Variants in ZNF384 observed in about 807,000 individuals in gnomAD.
ZNF384 encodes the protein zinc finger protein 384.
ZNF384 carries 20 observed loss-of-function variants against 65.0 expected under a neutral mutation model. That is an observed-to-expected ratio of 0.31 (90% CI 0.22 to 0.45). The LOEUF is 0.45. Among genes scored for constraint, ZNF384 ranks in the 20% least tolerant of loss-of-function variants. The probability of loss-of-function intolerance (pLI) is 1.00; values close to 1 mark genes in which losing one functional copy is unlikely to be tolerated. For synonymous variants in ZNF384, 310 were observed against 303.9 expected (o/e 1.02, Z -0.21); for missense variants, 549 against 769.4 (o/e 0.71, Z 3.39).
chr12:6,677,113 A>G, intron 7 of ZNF384, 54 bp downstream of exon 7: 1 of 477,276 alleles, frequency 2.1e-6, no homozygotes, highest in Non-Finnish European at 3.9e-6. Flanking sequence ...AAACAGAATT[A>G]TCCCCATTTT....
chr12:6,677,988 A>C, intron 6 of ZNF384, 139 bp downstream of exon 6: 1 of 750,396 alleles, frequency 1.3e-6, no homozygotes, highest in South Asian at 1.7e-5. Context: ...CTATGATGGG[A>C]CACCTGACAT....
At chr12:6,682,352 AAAC>A (rs1330435469) in intron 2 of ZNF384, among the ~76,000 whole-genome samples, 1 of 145,898 alleles carries the variant, frequency 6.9e-6, no homozygotes, top group African/African-American at 2.8e-5. Context: ...AAACAAAACA[AAAC>A]AAAACAAAAC....
At chr12:6,669,855 G>C (rs139649770) in intron 10 of ZNF384, among the ~76,000 whole-genome samples, 1,535 of 152,178 alleles carry the variant, frequency 0.01, 25 homozygotes, top group African/African-American at 0.036. Context: ...TTGAACCTGG[G>C]AAGTTGCAGT....
rs1460544351 is a variant in ZNF384 at position 6,678,268 on chromosome 12, C to G, written c.545G>C (p.Gly182Ala). 6.2e-7 allele frequency: 1 copy of G among 1,614,038 alleles called. No homozygotes were observed. The highest frequency in any genetic ancestry group is 8.5e-7 in the Non-Finnish European group (1 of 1,180,040). ...TGGCTTAGGAGCCACACTGCCACCT[C>G]CACCACCACCTCCGCCTCCTTCCTC... Reference protein sequence around the residue: ...LTEEGGGGGGGGGSVAPKPPR... With the variant: ...LTEEGGGGGGAGGSVAPKPPR... Residue 182 changes from glycine (G) to alanine (A), a missense_variant, in exon 6 of 12, where the codon GGA (glycine) becomes GCA (alanine). This residue lies in a region of ZNF384 where 277 missense variants were observed against 337.2 expected (regional missense o/e 0.82). Coordinates refer to ENST00000683879, the MANE Select transcript of ZNF384 (RefSeq NM_001385745.1). The surrounding 1 kb of genome is among the most constrained non-coding windows in gnomAD (Gnocchi z 4.9).
At position 6,667,449 on chromosome 12, in the gene ZNF384, C is replaced by T. The variant is rs917491654; in HGVS notation, c.*265G>A. The T allele has an allele frequency of 1.8e-4, 102 of 580,196 alleles. No individual in the cohort carries two copies. The highest frequency in any genetic ancestry group is 1.7e-3 in the African/African-American group (92 of 53,764). 35.9% of individuals were successfully genotyped at this position (580,196 alleles called of 1,614,324 possible). On this transcript the variant is annotated 3_prime_UTR_variant, in exon 12 of 12. Coordinates refer to ENST00000683879, the MANE Select transcript of ZNF384 (RefSeq NM_001385745.1). ...AAATCCTTCCCTTGAGCACCGACCC[C>T]CAGTTTTAGAAGCTTTGCTTGGGAG...
chr12:6,687,375 A>G (rs556802967), intron 2 of ZNF384, among the ~76,000 whole-genome samples: 2 of 152,308 alleles, frequency 1.3e-5, no homozygotes, highest in South Asian at 2.1e-4. Flanking sequence ...CTGTTCCACT[A>G]TAAATGATGG....
chr12:6,672,956 G>A lies in ZNF384; in HGVS notation c.1004+260C>T. 1 of 516,710 alleles carries A rather than the reference G, an allele frequency of 1.9e-6. No individual in the cohort carries two copies. 32.0% of individuals were successfully genotyped at this position (516,710 alleles called of 1,614,324 possible). A position where few individuals can be genotyped will look rare whatever the true frequency, so the allele number is the denominator to read the frequency against. ...TGAAGCATATAGTAAAAGCAGGCCT[G>A]CTCTGCAGAAGATTTCCAAACACAG... On this transcript the variant is annotated intron_variant, in intron 8 of 11. Transcript: ENST00000683879. This position sits in a 1 kb window ranked among gnomAD's most constrained non-coding sequence, Gnocchi z 4.4.
chr12:6,679,599 TGAAGA>T, intron 2 of ZNF384, 74 bp from the exon 3 acceptor site: 1 of 1,202,504 alleles, frequency 8.3e-7, no homozygotes, highest in Non-Finnish European at 1.2e-6. Context: ...GAAGGGGAAC[TGAAGA>T]GTTCCTGGTC....
At chr12:6,688,650 C>G (rs1958855371) in intron 1 of ZNF384, 1 of 152,430 alleles carries the variant, frequency 6.6e-6, no homozygotes, top group African/African-American at 2.4e-5. Flanking sequence ...TCAGGCCCAG[C>G]CACTTCCTCT....
At chr12:6,680,033 C>G (rs1955328384) in intron 2 of ZNF384, among the ~76,000 whole-genome samples, 1 of 152,244 alleles carries the variant, frequency 6.6e-6, no homozygotes, top group Non-Finnish European at 1.5e-5. Flanking sequence ...GGCTACACTG[C>G]AGTGGCACAA....
In ZNF384 at chr12:6,667,562, G is replaced by T; in HGVS notation, c.*152C>A. 1 of 994,926 alleles carries T rather than the reference G, an allele frequency of 1.0e-6. No individual in the cohort carries two copies. The highest frequency in any genetic ancestry group is 1.6e-6 in the Non-Finnish European group (1 of 629,684). 61.6% of individuals were successfully genotyped at this position (994,926 alleles called of 1,614,324 possible). A position where few individuals can be genotyped will look rare whatever the true frequency, so the allele number is the denominator to read the frequency against. On this transcript the variant is annotated 3_prime_UTR_variant, in exon 12 of 12. Transcript: ENST00000683879. Reference sequence around the variant, plus strand: ...CTTTTGAAGAAGAGTTCAGAAAAAGGATGGTATCCTGTGAAGGAAAGCCGT... The same window carrying T: ...CTTTTGAAGAAGAGTTCAGAAAAAGTATGGTATCCTGTGAAGGAAAGCCGT...
chr12:6,682,891 C>G (rs761135368), intron 2 of ZNF384, among the ~76,000 whole-genome samples: 66 of 152,252 alleles, frequency 4.3e-4, no homozygotes, highest in Admixed American at 1.8e-3. Context: ...GCAGACAATG[C>G]TAGGGGTTCA....
At position 6,666,649 on chromosome 12, in the gene ZNF384, A is replaced by C. The variant is rs559340630; in HGVS notation, c.*1065T>G. On this transcript the variant is annotated 3_prime_UTR_variant, in exon 12 of 12. Transcript: ENST00000683879. The stretch of plus-strand genomic sequence containing the variant: ...TGCCATGATTTAAAAAAAAAAAAAA[A>C]AGACAAAAAGAAAAATGCTGTGGCT... The C allele has an allele frequency of 2.5e-4, 41 of 166,156 alleles. No individual in the cohort carries two copies. The South Asian group carries it at 7.7e-3, about 31-fold the overall frequency. The allele number at this position is 166,156 out of a possible 1,614,324, so 10.3% of individuals were successfully genotyped here. A position where few individuals can be genotyped will look rare whatever the true frequency, so the allele number is the denominator to read the frequency against.
In ZNF384 at chr12:6,667,384, G is replaced by C. The variant is rs1343885004; in HGVS notation, c.*330C>G. 2 of 483,590 alleles carry C rather than the reference G, an allele frequency of 4.1e-6. No homozygotes were observed. The highest frequency in any genetic ancestry group is 1.9e-5 in the African/African-American group (1 of 52,112). The allele number at this position is 483,590 out of a possible 1,614,324, so 30.0% of individuals were successfully genotyped here. On this transcript the variant is annotated 3_prime_UTR_variant, in exon 12 of 12. Coordinates refer to ENST00000683879, the MANE Select transcript of ZNF384 (RefSeq NM_001385745.1). ...TGAGGATAAGGAGGGTAAGGATAGG[G>C]TAAGTGGCCACACTGGACAAGGTTC... is the stretch of plus-strand genomic sequence containing the variant.
chr12:6,675,109 C>A (rs1259288813), intron 7 of ZNF384, among the ~76,000 whole-genome samples: 1 of 152,154 alleles, frequency 6.6e-6, no homozygotes. Context: ...ATAATAATAA[C>A]CCACTTAGTC....
In ZNF384 at chr12:6,666,551, TTTC is replaced by T. The variant is rs1949816800; in HGVS notation, c.*1160_*1162del. ...GTTTGTACATAAGTTTTTTTCTTTT[TTTC>T]TTCATTTTTAAATTACTTTATAACA... On this transcript the variant is annotated 3_prime_UTR_variant, in exon 12 of 12. Coordinates refer to ENST00000683879, the MANE Select transcript of ZNF384 (RefSeq NM_001385745.1). The T allele has an allele frequency of 6.1e-6, 1 of 164,000 alleles. No homozygotes were observed. The highest frequency in any genetic ancestry group is 2.0e-4 in the South Asian group (1 of 4,938). 10.2% of individuals were successfully genotyped at this position (164,000 alleles called of 1,614,324 possible).
chr12:6,676,826 C>T (rs1953807713), intron 7 of ZNF384, among the ~76,000 whole-genome samples: 1 of 152,166 alleles, frequency 6.6e-6, no homozygotes, highest in Admixed American at 6.5e-5. Flanking sequence ...TCCAGGAACA[C>T]TTTTATTGTA....
At position 6,678,232 on chromosome 12, in the gene ZNF384, C is replaced by T. The variant is rs751103488; in HGVS notation, c.581G>A (p.Arg194Gln). 2.9e-5 allele frequency: 47 copies of T among 1,614,028 alleles called. No individual in the cohort carries two copies. The highest frequency in any genetic ancestry group is 2.2e-4 in the Admixed American group (13 of 60,000). ...GSVAPKPPRGRKKKRMLESGL... is the reference protein window; with the variant it reads ...GSVAPKPPRGQKKKRMLESGL... ...TGATTCCAGCATCCGCTTCTTCTTC[C>T]GGCCCCGGGGTGGCTTAGGAGCCAC... The change falls in exon 6 of 12, where the codon CGG becomes CAG. Residue 194 changes from arginine to glutamine, a missense_variant. This residue lies in a region of ZNF384 where 277 missense variants were observed against 337.2 expected (regional missense o/e 0.82). Coordinates refer to ENST00000683879, the MANE Select transcript of ZNF384 (RefSeq NM_001385745.1). This position sits in a 1 kb window ranked among gnomAD's most constrained non-coding sequence, Gnocchi z 4.9.
At chr12:6,686,320 C>T (rs1195360311) in intron 2 of ZNF384, among the ~76,000 whole-genome samples, 1 of 152,174 alleles carries the variant, frequency 6.6e-6, no homozygotes, top group Non-Finnish European at 1.5e-5. Flanking sequence ...ATGGCGTGAT[C>T]TCAGCTCACT....
Sources: gnomAD v4.1 joint callset for allele counts (sites outside exome capture counted in the v4.1 genomes callset) on GRCh38, gnomAD v4.1.1 for gene constraint, gnomAD v4.1.1 regional missense constraint, Gnocchi (gnomAD v3.1) non-coding constraint, MANE v1.5 for transcripts, NCBI Gene and HGNC (gene_info 2026-07-23, HGNC 2026-07-21) for gene names.